BAIAP2: variants seen among roughly 807,000 people sequenced by gnomAD.
The protein encoded by BAIAP2 is BAR/IMD domain-containing adapter protein 2.
In BAIAP2, 18 loss-of-function variants were observed where a neutral mutation model predicts 63.0. The observed-to-expected ratio is 0.29, with a 90% CI of 0.20 to 0.42. The LOEUF (loss-of-function observed/expected upper bound fraction) is 0.42. Among genes scored for constraint, BAIAP2 ranks in the 10% least tolerant of loss-of-function variants. The pLI is 1.00. For missense variants in BAIAP2, 610 were observed against 734.3 expected, an observed-to-expected ratio of 0.83 and a Z score of 1.96; for synonymous variants, 386 against 307.6, an observed-to-expected ratio of 1.25 and a Z score of -2.67.
At chr17:81,111,796 A>T (rs2059959135) in intron 13 of BAIAP2, among the ~76,000 whole-genome samples, 1 of 152,074 alleles carries the variant, frequency 6.6e-6, no homozygotes, top group South Asian at 2.1e-4. Context: ...AATCGCCTAC[A>T]CCTGTGTCTG....
At chr17:81,065,972 C>T (rs1033939284) in intron 3 of BAIAP2, among the ~76,000 whole-genome samples, 1 of 152,224 alleles carries the variant, frequency 6.6e-6, no homozygotes, top group Non-Finnish European at 1.5e-5. Flanking sequence ...CGCAGCCCTC[C>T]CCAGCAGAGA....
intron 13 of BAIAP2, chr17:81,110,621 T>C: frequency 2.4e-6 from 3 of 1,243,986 alleles, no homozygotes; most frequent in Non-Finnish European, 3.0e-6. Context: ...AGTCGCCTGC[T>C]AGATAACCTG....
At chr17:81,112,613 C>G (rs990935154) in intron 13 of BAIAP2, among the ~76,000 whole-genome samples, 1 of 152,240 alleles carries the variant, frequency 6.6e-6, no homozygotes, top group East Asian at 1.9e-4. Flanking sequence ...TCTGAAGACA[C>G]GAAGAAACAG....
intron 1 of BAIAP2, among the ~76,000 whole-genome samples, chr17:81,044,016 G>A (rs772460060): frequency 2.6e-5 from 4 of 152,214 alleles, no homozygotes; most frequent in Non-Finnish European, 4.4e-5. Context: ...GAGGTCAGTG[G>A]TCCAGAGCAG....
In BAIAP2 at chr17:81,057,687, T is replaced by C. The variant is rs2049823616; in HGVS notation, c.131-194T>C. 2.2e-6 allele frequency: 3 copies of C among 1,379,158 alleles called. No individual in the cohort carries two copies. The East Asian group carries it at 8.2e-5, about 38-fold the overall frequency. The allele number at this position is 1,379,158 out of a possible 1,614,324, so 85.4% of individuals were successfully genotyped here. A position where few individuals can be genotyped will look rare whatever the true frequency, so the allele number is the denominator to read the frequency against. ...TTACGAGTCAAGGGAGCTCTCATGATTGGGGTGAAACAAGAATATCAACAA... is the reference window on the plus strand; with the variant it reads ...TTACGAGTCAAGGGAGCTCTCATGACTGGGGTGAAACAAGAATATCAACAA... On this transcript the variant is annotated intron_variant, in intron 2 of 13. Transcript: ENST00000428708.
chr17:81,068,358 G>A (rs1014316892), intron 3 of BAIAP2, among the ~76,000 whole-genome samples: 11 of 152,232 alleles, frequency 7.2e-5, no homozygotes, highest in Admixed American at 2.0e-4. Flanking sequence ...TCGGGCACGC[G>A]TGAGGAACTG....
chr17:81,061,467 T>A (rs544607936), intron 3 of BAIAP2, among the ~76,000 whole-genome samples: 1 of 152,354 alleles, frequency 6.6e-6, no homozygotes, highest in African/African-American at 2.4e-5. Context: ...TGATCCGCTT[T>A]CTGTCACTGT....
intron 4 of BAIAP2, 52 bp from the exon 5 acceptor site, chr17:81,085,602 C>T (rs772632662): frequency 1.0e-5 from 15 of 1,493,968 alleles, no homozygotes; most frequent in Non-Finnish European, 9.3e-7. Context: ...GCCTCCTGTT[C>T]CGGGTCCATG....
chr17:81,099,277 C>T (rs1034775437), intron 6 of BAIAP2, among the ~76,000 whole-genome samples: 7 of 151,886 alleles, frequency 4.6e-5, no homozygotes, highest in African/African-American at 1.7e-4. Context: ...AACCAGGCAG[C>T]CAGGTGTCTT....
intron 3 of BAIAP2, among the ~76,000 whole-genome samples, chr17:81,059,676 C>A (rs964665406): frequency 3.9e-5 from 6 of 152,186 alleles, no homozygotes; most frequent in Admixed American, 1.3e-4. Context: ...GTCTTGAGCT[C>A]CTGGGCTCAA....
At chr17:81,049,075 G>A (rs553669755) in intron 1 of BAIAP2, among the ~76,000 whole-genome samples, 5 of 152,372 alleles carry the variant, frequency 3.3e-5, no homozygotes, top group African/African-American at 9.6e-5. Flanking sequence ...CTGGAAGTCC[G>A]TGCCGGCCCG....
intron 5 of BAIAP2, 56 bp downstream of exon 5, chr17:81,085,781 A>T: frequency 7.2e-7 from 1 of 1,395,874 alleles, no homozygotes; most frequent in Non-Finnish European, 1.0e-6. Context: ...CGGCTCTCCC[A>T]AATGCCTGCC....
intron 1 of BAIAP2, among the ~76,000 whole-genome samples, chr17:81,049,965 G>A (rs550894222): frequency 2.0e-5 from 3 of 152,330 alleles, no homozygotes; most frequent in Admixed American, 6.5e-5. Context: ...GGACTGGTTC[G>A]GAGGCTCAGA....
intron 3 of BAIAP2, among the ~76,000 whole-genome samples, chr17:81,066,642 C>T (rs1055754418): frequency 6.6e-6 from 1 of 152,226 alleles, no homozygotes; most frequent in Admixed American, 6.5e-5. Flanking sequence ...AGGGAAGGTC[C>T]TTGGTCATGT....
At chr17:81,103,474 C>T (rs992068315) in intron 7 of BAIAP2, 28 bp from the exon 8 acceptor site, 1 of 1,538,698 alleles carries the variant, frequency 6.5e-7, no homozygotes, top group Non-Finnish European at 8.7e-7. Flanking sequence ...CGGCCCTGAC[C>T]CCTCCCTTCC....
intron 3 of BAIAP2, among the ~76,000 whole-genome samples, chr17:81,072,008 C>T (rs750580340): frequency 5.9e-5 from 9 of 152,256 alleles, no homozygotes; most frequent in South Asian, 2.1e-4. Flanking sequence ...CCGGCCTCCC[C>T]GGCCTTCCCA....
chr17:81,085,759 G>A (rs752466390), intron 5 of BAIAP2, 34 bp downstream of exon 5: 4 of 1,571,108 alleles, frequency 2.5e-6, no homozygotes, highest in Non-Finnish European at 1.7e-6. Flanking sequence ...GCTGGGCCCT[G>A]TGCCTGGGCT....
intron 3 of BAIAP2, among the ~76,000 whole-genome samples, chr17:81,070,115 C>T (rs549116770): frequency 8.5e-5 from 13 of 152,150 alleles, no homozygotes; most frequent in Non-Finnish European, 1.3e-4. Flanking sequence ...TGTGCTGTCA[C>T]GCCTGTATAC....
At chr17:81,114,068 G>A (rs2060226960) in intron 13 of BAIAP2, among the ~76,000 whole-genome samples, 1 of 148,876 alleles carries the variant, frequency 6.7e-6, no homozygotes. Flanking sequence ...GGGTTCAAGC[G>A]ATCCTCCCAC....
Sources: gnomAD v4.1 joint callset for allele counts (sites outside exome capture counted in the v4.1 genomes callset) on GRCh38, gnomAD v4.1.1 for gene constraint, MANE v1.5 for transcripts, NCBI Gene and HGNC (gene_info 2026-07-23, HGNC 2026-07-21) for gene names.